The following CDK13 variants were observed in gnomAD, a reference collection of about 807,000 sequenced individuals.
CDK13 encodes cyclin dependent kinase 13, also known as cyclin-dependent kinase 13.
CDK13 carries 40 observed loss-of-function variants against 137.6 expected under a neutral mutation model. The observed-to-expected ratio is 0.29, with a 90% confidence interval of 0.23 to 0.38. The LOEUF (loss-of-function observed/expected upper bound fraction) is 0.38, where lower values mean the gene tolerates loss of function less well. Among genes scored for constraint, CDK13 ranks in the 10% least tolerant of loss-of-function variants. CDK13 has a pLI of 1.00. For synonymous variants in CDK13, 869 were observed against 760.1 expected (o/e 1.14, Z -2.36); for missense variants, 1,704 against 1,951.8 (o/e 0.87, Z 2.39).
At chr7:39,958,194 C>T (rs1787482399) in intron 1 of CDK13, among the ~76,000 whole-genome samples, 1 of 148,718 alleles carries the variant, frequency 6.7e-6, no homozygotes, top group Non-Finnish European at 1.5e-5. Context: ...TGAGAGGAAC[C>T]GAAAATGGTA....
At chr7:40,072,450 C>T (rs1404532967) in intron 9 of CDK13, 1 of 152,170 alleles carries the variant, frequency 6.6e-6, no homozygotes, top group African/African-American at 2.4e-5. Context: ...TTAAGTGAAA[C>T]TGGCTTTTCT....
At chr7:40,012,590 A>C (rs986646759) in intron 5 of CDK13, among the ~76,000 whole-genome samples, 4 of 151,904 alleles carry the variant, frequency 2.6e-5, no homozygotes, top group African/African-American at 2.4e-5. Flanking sequence ...ACAGAGTGAG[A>C]TGTTGTCAAA....
At position 39,951,698 on chromosome 7, in the gene CDK13, C is replaced by T. The variant is rs759568344; in HGVS notation, c.1057C>T (p.Arg353Trp). ...AGGAGGTGGCAGCAGCCCCTATTCT[C>T]GGCGGCTGCCGCGCTCCCCGAGCCC... ...PAGGGSSPYS[R>W]RLPRSPSPYS... The change falls in exon 1 of 14, where the codon CGG (arginine) becomes TGG (tryptophan). Residue 353 changes from arginine to tryptophan, a missense_variant. Transcript: ENST00000181839. 7 of 1,466,192 alleles carry T rather than the reference C, an allele frequency of 4.8e-6. No homozygotes were observed. The highest frequency in any genetic ancestry group is 1.4e-5 in the South Asian group (1 of 71,484). The allele number at this position is 1,466,192 out of a possible 1,614,324, so 90.8% of individuals were successfully genotyped here. A position where few individuals can be genotyped will look rare whatever the true frequency, so the allele number is the denominator to read the frequency against.
At chr7:40,047,322 T>A (rs781441528) in intron 6 of CDK13, among the ~76,000 whole-genome samples, 17 of 152,136 alleles carry the variant, frequency 1.1e-4, no homozygotes, top group Non-Finnish European at 2.5e-4. Context: ...TGGTACTGTT[T>A]GTTAATTTAA....
At chr7:39,979,338 T>C (rs1339333818) in intron 1 of CDK13, among the ~76,000 whole-genome samples, 2 of 150,954 alleles carry the variant, frequency 1.3e-5, no homozygotes, top group South Asian at 2.1e-4. Flanking sequence ...TGCCTCAGCC[T>C]CCCAAGTGGC....
intron 5 of CDK13, among the ~76,000 whole-genome samples, chr7:40,002,570 A>G (rs989549465): frequency 2.0e-5 from 3 of 152,184 alleles, no homozygotes; most frequent in African/African-American, 7.2e-5. Flanking sequence ...TGATGGGTGA[A>G]AGCAGTGCTC....
intron 5 of CDK13, among the ~76,000 whole-genome samples, chr7:40,019,199 A>G (rs1443630923): frequency 6.6e-6 from 1 of 152,226 alleles, no homozygotes; most frequent in East Asian, 1.9e-4. Flanking sequence ...CTGTCTTAAT[A>G]GTAGCCACAG....
intron 5 of CDK13, among the ~76,000 whole-genome samples, chr7:40,017,975 T>C (rs1785037667): frequency 6.6e-6 from 1 of 152,038 alleles, no homozygotes; most frequent in African/African-American, 2.4e-5. Flanking sequence ...GTTTCACTGA[T>C]GTTTTTGTAT....
intron 1 of CDK13, among the ~76,000 whole-genome samples, chr7:39,971,298 A>G (rs113139382): frequency 7.0e-4 from 107 of 151,892 alleles, no homozygotes; most frequent in East Asian, 9.7e-4. Flanking sequence ...CAGCAGATCA[A>G]CTGAGGCCAG....
At chr7:40,073,122 A>C (rs940736758) in intron 9 of CDK13, 1 of 152,230 alleles carries the variant, frequency 6.6e-6, no homozygotes, top group Non-Finnish European at 1.5e-5. Flanking sequence ...TCCCATTAAA[A>C]TCAGAAAATA....
At chr7:40,017,433 A>G (rs999045225) in intron 5 of CDK13, among the ~76,000 whole-genome samples, 4 of 152,136 alleles carry the variant, frequency 2.6e-5, no homozygotes, top group Admixed American at 2.6e-4. Context: ...TTTTGTGGGA[A>G]TAGGTACTTT....
chr7:40,011,580 C>A (rs998276524), intron 5 of CDK13, among the ~76,000 whole-genome samples: 2 of 152,092 alleles, frequency 1.3e-5, no homozygotes, highest in African/African-American at 4.8e-5. Flanking sequence ...AACTGGATAT[C>A]CACACACAGA....
intron 5 of CDK13, among the ~76,000 whole-genome samples, chr7:40,005,938 C>T (rs924013782): frequency 1.3e-5 from 2 of 151,908 alleles, no homozygotes; most frequent in African/African-American, 4.8e-5. Flanking sequence ...TTCCCCAAGG[C>T]CGGCGTCAAA....
At chr7:40,015,563 A>G (rs1474772673) in intron 5 of CDK13, among the ~76,000 whole-genome samples, 1 of 152,184 alleles carries the variant, frequency 6.6e-6, no homozygotes, top group Non-Finnish European at 1.5e-5. Flanking sequence ...GGCACATAGT[A>G]AGCACACATC....
chr7:40,049,734 C>G (rs191939053), intron 7 of CDK13, among the ~76,000 whole-genome samples: 20 of 152,124 alleles, frequency 1.3e-4, no homozygotes, highest in Admixed American at 6.5e-5. Flanking sequence ...CATCTTCCCC[C>G]CATACTCCCT....
In CDK13 at chr7:39,951,674, G is replaced by A. The variant is rs772528807; in HGVS notation, c.1033G>A (p.Gly345Arg). Residue 345 changes from glycine to arginine, a missense_variant, in exon 1 of 14, where the codon GGA becomes AGA. By Grantham distance (125) the Gly-to-Arg change is moderately radical. Coordinates refer to ENST00000181839, the MANE Select transcript of CDK13 (RefSeq NM_003718.5). The stretch of plus-strand genomic sequence containing the variant: ...GAGCCGCAAGTCCCCCAGCCCGGCA[G>A]GAGGTGGCAGCAGCCCCTATTCTCG... ...LRSRKSPSPA[G>R]GGSSPYSRRL... The A allele has an allele frequency of 6.8e-7, 1 of 1,471,096 alleles. No homozygotes were observed. The highest frequency in any genetic ancestry group is 2.5e-5 in the Admixed American group (1 of 39,600). The allele number at this position is 1,471,096 out of a possible 1,614,324, so 91.1% of individuals were successfully genotyped here.
At chr7:39,983,667 T>C (rs979068148) in intron 1 of CDK13, among the ~76,000 whole-genome samples, 2 of 152,212 alleles carry the variant, frequency 1.3e-5, no homozygotes, top group Non-Finnish European at 2.9e-5. Context: ...TACACTGCTT[T>C]CTTCTGCTGC....
intron 1 of CDK13, among the ~76,000 whole-genome samples, chr7:39,970,752 C>T (rs769428208): frequency 3.3e-5 from 5 of 152,198 alleles, no homozygotes; most frequent in South Asian, 2.1e-4. Flanking sequence ...TGAGCCACTG[C>T]GCCTGGCCTG....
At chr7:40,056,226 C>T (rs573411238) in intron 7 of CDK13, among the ~76,000 whole-genome samples, 1 of 152,310 alleles carries the variant, frequency 6.6e-6, no homozygotes, top group African/African-American at 2.4e-5. Flanking sequence ...GAAAGTGAGG[C>T]ATGGTACCTA....
Sources: gnomAD v4.1 joint callset for allele counts (sites outside exome capture counted in the v4.1 genomes callset) on GRCh38, gnomAD v4.1.1 for gene constraint, MANE v1.5 for transcripts, NCBI Gene and HGNC (gene_info 2026-07-23, HGNC 2026-07-21) for gene names.